Variants in SOBP observed in about 807,000 individuals in gnomAD.
SOBP encodes the protein sine oculis binding protein homolog.
SOBP carries 4 observed loss-of-function variants against 53.6 expected under a neutral mutation model. That is an observed-to-expected ratio of 0.07 (90% CI 0.04 to 0.17). SOBP has a LOEUF of 0.17. Among genes scored for constraint, SOBP ranks in the 10% least tolerant of loss-of-function variants. SOBP has a pLI of 1.00. For missense variants in SOBP, 1,088 were observed against 1,204.7 expected, an observed-to-expected ratio of 0.90 and a Z score of 1.43; for synonymous variants, 584 against 522.6, an observed-to-expected ratio of 1.12 and a Z score of -1.60.
intron 6 of SOBP, among the ~76,000 whole-genome samples, chr6:107,641,643 C>G (rs1166984533): frequency 6.6e-6 from 1 of 152,164 alleles, no homozygotes; most frequent in East Asian, 1.9e-4. Flanking sequence ...AGCTATTAAC[C>G]AGCCGTTGCC....
chr6:107,549,616 AT>A (rs151047714), intron 4 of SOBP, among the ~76,000 whole-genome samples: 2,177 of 148,634 alleles, frequency 0.015, 46 homozygotes, highest in African/African-American at 0.05. Flanking sequence ...CCTTTTGCTC[AT>A]TTTTTTTTTA....
intron 4 of SOBP, among the ~76,000 whole-genome samples, chr6:107,565,713 G>C (rs1472131705): frequency 1.3e-5 from 2 of 152,194 alleles, no homozygotes; most frequent in African/African-American, 4.8e-5. Flanking sequence ...AGGCAATAGT[G>C]CAGAGTCAGA....
At chr6:107,579,892 G>A (rs1209536441) in intron 4 of SOBP, among the ~76,000 whole-genome samples, 1 of 152,214 alleles carries the variant, frequency 6.6e-6, no homozygotes, top group Non-Finnish European at 1.5e-5. Context: ...AGCTGTCAGA[G>A]GAGCCTGAAG....
intron 3 of SOBP, chr6:107,509,659 C>T (rs1403676452): frequency 1.3e-5 from 2 of 152,176 alleles, no homozygotes; most frequent in Non-Finnish European, 2.9e-5. Context: ...CCTGCTGAGC[C>T]AGCCACGTGG....
chr6:107,514,138 A>C (rs538958039), intron 3 of SOBP: 2 of 152,586 alleles, frequency 1.3e-5, no homozygotes, highest in African/African-American at 4.8e-5. Flanking sequence ...AATGTTCCTT[A>C]CATTGTGCTA....
intron 6 of SOBP, among the ~76,000 whole-genome samples, chr6:107,657,505 A>G (rs1772117936): frequency 6.6e-6 from 1 of 152,198 alleles, no homozygotes; most frequent in South Asian, 2.1e-4. Context: ...TTTGTGGGAA[A>G]CTTCTGAAGA....
At position 107,654,155 on chromosome 6, in the gene SOBP, G is replaced by A. The variant is rs547736482; in HGVS notation, c.*4-4052G>A. ...CTGGCCAAAAGGGGCAGGCAGGCCT[G>A]GAATTCTGAAGATAGCTGGTCATAC... On this transcript the variant is annotated intron_variant, in intron 6 of 6. Coordinates refer to ENST00000317357, the MANE Select transcript of SOBP (RefSeq NM_018013.4). Among the ~76,000 whole-genome samples, 4 of 152,350 alleles carry A rather than the reference G, an allele frequency of 2.6e-5. No homozygotes were observed. In the East Asian group the frequency reaches 7.7e-4, roughly 29 times the overall value.
chr6:107,638,975 T>C (rs572510581), intron 6 of SOBP, among the ~76,000 whole-genome samples: 29 of 152,326 alleles, frequency 1.9e-4, no homozygotes, highest in African/African-American at 6.7e-4. Context: ...CAATCTGGGC[T>C]CACTGCAACC....
rs201372477 is a variant in SOBP at position 107,634,502 on chromosome 6, A to G, written c.1658A>G (p.Asn553Ser). The change falls in exon 6 of 7, where the codon AAC becomes AGC. Residue 553 changes from asparagine (N) to serine (S), a missense_variant. Asn to Ser is a conservative substitution (Grantham distance 46, BLOSUM62 1). Transcript: ENST00000317357. This position sits in a 1 kb window ranked among gnomAD's most constrained non-coding sequence, Gnocchi z 4.5. ...CACGTCAGCGACTCCAAGCCCCCCAACGGGTTCTCCAGCAACGGGGAGAAC... is the reference window on the plus strand; with the variant it reads ...CACGTCAGCGACTCCAAGCCCCCCAGCGGGTTCTCCAGCAACGGGGAGAAC... ...IPHVSDSKPP[N>S]GFSSNGENFI... is the part of the protein sequence containing the mutation. 5.7e-5 allele frequency: 92 copies of G among 1,611,056 alleles called. No individual in the cohort carries two copies. Among genetic ancestry groups the G allele is most frequent in the Non-Finnish European group, 7.3e-5 (86 of 1,179,752 alleles).
chr6:107,520,990 G>A (rs1210222952), intron 3 of SOBP, among the ~76,000 whole-genome samples: 4 of 150,092 alleles, frequency 2.7e-5, no homozygotes, highest in Admixed American at 6.7e-5. Context: ...AATTGGTTTG[G>A]GCTGTCCTGT....
rs148669125 is a variant in SOBP, at chr6:107,642,821, G to C, written c.*3+7352G>C. ...TATTTAAAGAACAAAAGGGAGAAAC[G>C]CTTCATGAATTCATTTGATATGGAA... On this transcript the variant is annotated intron_variant, in intron 6 of 6. Coordinates refer to ENST00000317357, the MANE Select transcript of SOBP (RefSeq NM_018013.4). Among the ~76,000 whole-genome samples, 108 of 152,278 alleles carry C rather than the reference G, an allele frequency of 7.1e-4. 1 individual carries two copies. In the East Asian group the frequency reaches 0.014, roughly 19 times the overall value.
At chr6:107,652,841 A>G (rs1771863087) in intron 6 of SOBP, among the ~76,000 whole-genome samples, 2 of 150,018 alleles carry the variant, frequency 1.3e-5, no homozygotes, top group Non-Finnish European at 2.9e-5. Context: ...CTGAAGGCTC[A>G]GATGATTGTT....
Position 107,633,962 on chromosome 6 carries a change from G to T in SOBP, c.1118G>T (p.Gly373Val), listed in dbSNP as rs761861837. 10 of 1,614,024 alleles carry T rather than the reference G, an allele frequency of 6.2e-6. No homozygotes were observed. Among genetic ancestry groups the T allele is most frequent in the Non-Finnish European group, 7.6e-6 (9 of 1,180,024 alleles). ...TCCGTCCAGCCACCTGCTAGCATCG[G>T]GCCTCCCCTTGGCGTCCCGCCTCGG... is the stretch of plus-strand genomic sequence containing the variant. The part of the protein sequence containing the change: ...PVSVQPPASI[G>V]PPLGVPPRSP... Residue 373 changes from glycine (G) to valine (V), a missense_variant, in exon 6 of 7, where the codon GGG becomes GTG. Around this residue, in one of 6 missense-constraint regions of SOBP, gnomAD observed 211 missense variants for 258.9 expected, o/e 0.82. Coordinates refer to ENST00000317357, the MANE Select transcript of SOBP (RefSeq NM_018013.4).
intron 1 of SOBP, among the ~76,000 whole-genome samples, chr6:107,492,524 C>A (rs2127140): frequency 6.6e-6 from 1 of 152,086 alleles, no homozygotes; most frequent in Admixed American, 6.5e-5. Flanking sequence ...TTGGGGCTCG[C>A]GTTGTTGATT....
At chr6:107,547,590 G>A (rs976921915) in intron 4 of SOBP, among the ~76,000 whole-genome samples, 2 of 152,080 alleles carry the variant, frequency 1.3e-5, no homozygotes, top group African/African-American at 4.8e-5. Flanking sequence ...ATATTGTTGA[G>A]GACAAAAGAA....
chr6:107,585,161 A>G (rs777430858), intron 4 of SOBP, among the ~76,000 whole-genome samples: 9 of 152,196 alleles, frequency 5.9e-5, no homozygotes, highest in Non-Finnish European at 1.3e-4. Flanking sequence ...CTATCCACGT[A>G]TGGGTTTTTT....
At chr6:107,573,515 G>A (rs993316583) in intron 4 of SOBP, among the ~76,000 whole-genome samples, 2 of 152,190 alleles carry the variant, frequency 1.3e-5, no homozygotes, top group Non-Finnish European at 2.9e-5. Context: ...TGAAATGGAT[G>A]TTGTGTACCC....
At chr6:107,512,463 T>C (rs1783197815) in intron 3 of SOBP, among the ~76,000 whole-genome samples, 1 of 152,254 alleles carries the variant, frequency 6.6e-6, no homozygotes. Flanking sequence ...CCAAGTTTGA[T>C]GATTGAGGTA....
At chr6:107,519,906 T>G (rs1783430564) in intron 3 of SOBP, among the ~76,000 whole-genome samples, 1 of 152,192 alleles carries the variant, frequency 6.6e-6, no homozygotes, top group Non-Finnish European at 1.5e-5. Flanking sequence ...AGATTCTGTT[T>G]TCTGGGAAAC....
Sources: allele counts gnomAD v4.1 joint callset (sites outside exome capture counted in the v4.1 genomes callset), GRCh38; gene constraint gnomAD v4.1.1; regional missense constraint gnomAD v4.1.1; non-coding constraint Gnocchi (gnomAD v3.1); transcripts MANE v1.5; gene names NCBI Gene and HGNC (gene_info 2026-07-23, HGNC 2026-07-21).